CADM1: variants seen among roughly 807,000 people sequenced by gnomAD.
CADM1 encodes the protein TSLC-1.
A neutral mutation model predicts 53.1 loss-of-function variants in CADM1; 15 were observed. The observed-to-expected ratio is 0.28, with a 90% CI of 0.19 to 0.44. The LOEUF (loss-of-function observed/expected upper bound fraction) is 0.44, where lower values mean the gene tolerates loss of function less well. Among genes scored for constraint, CADM1 ranks in the 20% least tolerant of loss-of-function variants. The pLI, the probability that CADM1 is intolerant of heterozygous loss-of-function variation, is 1.00. For synonymous variants in CADM1, 281 were observed against 243.0 expected (o/e 1.16, Z -1.45); for missense variants, 434 against 611.3 (o/e 0.71, Z 3.06).
chr11:115,173,613 G>T lies in CADM1; in HGVS notation c.*2861C>A. On this transcript the variant is annotated 3_prime_UTR_variant, in exon 12 of 12. Transcript: ENST00000331581. ...GAGGCGTCCATAAGAAGTCCATAAA[G>T]AGATTAAAGGATCACTTTGTAACAT... The T allele has an allele frequency of 3.7e-6, 1 of 271,562 alleles. No homozygotes were observed. The highest frequency in any genetic ancestry group is 5.6e-6 in the Non-Finnish European group (1 of 177,398). 16.8% of individuals were successfully genotyped at this position (271,562 alleles called of 1,614,324 possible).
chr11:115,378,712 T>C (rs1236991154), intron 1 of CADM1, among the ~76,000 whole-genome samples: 1 of 152,168 alleles, frequency 6.6e-6, no homozygotes, highest in Non-Finnish European at 1.5e-5. Flanking sequence ...AAAATTCAAA[T>C]TGCAGTGTCC....
chr11:115,332,596 T>C lies in CADM1; in HGVS notation c.125-92176A>G, dbSNP rs183950458. 6.5e-3 allele frequency among the ~76,000 whole-genome samples: 996 copies of C among 152,142 alleles called. 42 individuals carry two copies. The highest frequency in any genetic ancestry group is 0.06 in the Admixed American group (915 of 15,282). On this transcript the variant is annotated intron_variant, in intron 1 of 11. Transcript: ENST00000331581. ...CAGGGGTGGTGAGAAGTATGTAAAG[T>C]TGGAATGGTATGGCACTTACATATG...
chr11:115,356,770 T>G (rs927815495), intron 1 of CADM1, among the ~76,000 whole-genome samples: 1 of 152,228 alleles, frequency 6.6e-6, no homozygotes, highest in Non-Finnish European at 1.5e-5. Flanking sequence ...TTGTGTTTAA[T>G]GTACTACTAT....
Position 115,404,327 on chromosome 11 carries a change from G to GAAAAAA in CADM1, c.124+99938_124+99943dup, listed in dbSNP as rs1216372271. 2.1e-3 allele frequency among the ~76,000 whole-genome samples: 12 copies of GAAAAAA among 5,810 alleles called. 2 individuals carry two copies. The highest frequency in any genetic ancestry group is 6.2e-3 in the East Asian group (1 of 162). The allele number at this position is 5,810 out of a possible 152,430, so 3.8% of individuals were successfully genotyped here. ...GGCGACAGAGCAAGAATCTGTCTCG[G>GAAAAAA]AAAAAAAAAAAAAAAAAAAATATAT... On this transcript the variant is annotated intron_variant, in intron 1 of 11. Transcript: ENST00000331581.
At chr11:115,203,697 A>C (rs1437845725) in intron 8 of CADM1, among the ~76,000 whole-genome samples, 1 of 152,176 alleles carries the variant, frequency 6.6e-6, no homozygotes, top group African/African-American at 2.4e-5. Flanking sequence ...GGCATTAAAA[A>C]CTTTTCCACT....
intron 1 of CADM1, among the ~76,000 whole-genome samples, chr11:115,347,255 C>CT (rs889399588): frequency 1.3e-5 from 2 of 152,036 alleles, no homozygotes; most frequent in Admixed American, 1.3e-4. Flanking sequence ...ACTAGCCCCC[C>CT]CAACTGCTTC....
At chr11:115,247,897 G>A (rs973509188) in intron 1 of CADM1, among the ~76,000 whole-genome samples, 1 of 152,074 alleles carries the variant, frequency 6.6e-6, no homozygotes. Context: ...AAAGTAGTCA[G>A]GTTTTAAAAC....
At chr11:115,214,250 T>C (rs1457613433) in intron 7 of CADM1, among the ~76,000 whole-genome samples, 1 of 152,196 alleles carries the variant, frequency 6.6e-6, no homozygotes, top group African/African-American at 2.4e-5. Flanking sequence ...GGTATCATAG[T>C]AAAATACCAC....
chr11:115,279,890 G>A lies in CADM1; in HGVS notation c.125-39470C>T, dbSNP rs139246354. Among the ~76,000 whole-genome samples, 328 of 152,282 alleles carry A rather than the reference G, an allele frequency of 2.2e-3. 4 individuals carry two copies. Among genetic ancestry groups the A allele is most frequent in the African/African-American group, 7.6e-3 (316 of 41,564 alleles). The stretch of plus-strand genomic sequence containing the variant: ...CCTACCCAGCTCATCACGCTGCAAT[G>A]TTCCCCTGTCCCCAAATGAAATTAC... On this transcript the variant is annotated intron_variant, in intron 1 of 11. Coordinates refer to ENST00000331581, the MANE Select transcript of CADM1 (RefSeq NM_001301043.2).
chr11:115,342,188 T>A (rs1054756850), intron 1 of CADM1, among the ~76,000 whole-genome samples: 1 of 152,168 alleles, frequency 6.6e-6, no homozygotes, highest in African/African-American at 2.4e-5. Flanking sequence ...AAAACACATA[T>A]ACTTGTAAAG....
intron 1 of CADM1, among the ~76,000 whole-genome samples, chr11:115,413,381 T>C (rs1947505298): frequency 6.6e-6 from 1 of 152,176 alleles, no homozygotes; most frequent in African/African-American, 2.4e-5. Context: ...ACCCCTATAA[T>C]ATTCATAATA....
chr11:115,309,816 T>C (rs1187578973), intron 1 of CADM1, among the ~76,000 whole-genome samples: 9 of 152,144 alleles, frequency 5.9e-5, no homozygotes, highest in Admixed American at 5.9e-4. Context: ...CAAATAACTG[T>C]TGCTGTGAGA....
rs1423385858 is a variant in CADM1, at chr11:115,238,534, G to A, written c.390C>T (p.Pro130=). 1 of 1,613,748 alleles carries A rather than the reference G, an allele frequency of 6.2e-7. No homozygotes were observed. ...GRYFCQLYTD[P]PQESYTTITV... ...TGATGGTGGTGTAACTTTCCTGTGG[G>A]GGATCGGTATAGAGCTGGCAAAAGT... Residue 130 remains proline, a synonymous_variant, in exon 3 of 12, where the codon CCC becomes CCT. Transcript: ENST00000331581.
chr11:115,501,754 GTTTCTTTAACCC>G (rs1949731023), intron 1 of CADM1, among the ~76,000 whole-genome samples: 1 of 152,056 alleles, frequency 6.6e-6, no homozygotes, highest in South Asian at 2.1e-4. Flanking sequence ...GCACCAACAG[GTTTCTTTAACCC>G]TGGGAGTGGG....
intron 1 of CADM1, among the ~76,000 whole-genome samples, chr11:115,457,523 T>C (rs1282773379): frequency 2.0e-5 from 3 of 152,132 alleles, no homozygotes; most frequent in Non-Finnish European, 4.4e-5. Flanking sequence ...AAATTCTGAG[T>C]GAGGGGTAGG....
At chr11:115,368,110 C>CTTTTTTTTTTTTT (rs58589028) in intron 1 of CADM1, among the ~76,000 whole-genome samples, 2 of 61,878 alleles carry the variant, frequency 3.2e-5, no homozygotes, top group East Asian at 5.7e-4. Flanking sequence ...TCACTAGAGT[C>CTTTTTTTTTTTTT]TTTTTTTTTT....
intron 1 of CADM1, among the ~76,000 whole-genome samples, chr11:115,429,454 A>T (rs900253324): frequency 6.6e-6 from 1 of 151,946 alleles, no homozygotes; most frequent in African/African-American, 2.4e-5. Flanking sequence ...AAATACAAAA[A>T]ATTATCTGGG....
intron 1 of CADM1, among the ~76,000 whole-genome samples, chr11:115,243,444 A>T (rs1447851349): frequency 1.3e-5 from 2 of 152,222 alleles, no homozygotes; most frequent in African/African-American, 4.8e-5. Context: ...AAATATCACC[A>T]ATAAATTATA....
Position 115,330,808 on chromosome 11 carries a change from C to A in CADM1, c.125-90388G>T, listed in dbSNP as rs1254965073. Among the ~76,000 whole-genome samples the A allele has an allele frequency of 3.3e-5, 5 of 152,162 alleles. No homozygotes were observed. The East Asian group carries it at 9.6e-4, about 29-fold the overall frequency. On this transcript the variant is annotated intron_variant, in intron 1 of 11. Transcript: ENST00000331581. ...CAAATCCTGGTTCTTGACTTTCAAG[C>A]ACCTAAATTCACAGACCAGCCCAGA...
Sources: allele counts gnomAD v4.1 joint callset (sites outside exome capture counted in the v4.1 genomes callset), GRCh38; gene constraint gnomAD v4.1.1; transcripts MANE v1.5; gene names NCBI Gene and HGNC (gene_info 2026-07-23, HGNC 2026-07-21).